The following SMAD4 variants were observed in gnomAD, a reference collection of about 807,000 sequenced individuals.
SMAD4 encodes MAD homolog 4.
Under a neutral mutation model 63.2 loss-of-function variants are expected in SMAD4, and 7 were observed. The ratio of observed to expected loss-of-function variants is 0.11; its 90% CI spans 0.06 to 0.21. SMAD4 has a LOEUF of 0.21. Ranked by LOEUF, SMAD4 falls within the 10% of genes least tolerant of loss-of-function variation. The pLI is 1.00. For synonymous variants in SMAD4, 215 were observed against 235.4 expected (o/e 0.91, Z 0.79); for missense variants, 312 against 693.8 (o/e 0.45, Z 6.18).
rs2144479158 is a variant in SMAD4, at chr18:51,078,388, T to C, written c.1580T>C (p.Ile527Thr). 2 of 1,614,186 alleles carry C rather than the reference T, an allele frequency of 1.2e-6. No individual in the cohort carries two copies. The highest frequency in any genetic ancestry group is 1.7e-6 in the Non-Finnish European group (2 of 1,180,024). Residue 527 changes from isoleucine (I) to threonine (T), a missense_variant, in exon 12 of 12, where the codon ATT (isoleucine) becomes ACT (threonine). Physicochemically the swap from Ile to Thr is moderately conservative, Grantham distance 89 (BLOSUM62 -1). Coordinates refer to ENST00000342988, the MANE Select transcript of SMAD4 (RefSeq NM_005359.6). ...SIKETPCWIE[I>T]HLHRALQLLD... ...AAAGAAACACCTTGCTGGATTGAAA[T>C]TCACTTACACCGGGCCCTCCAGCTC...
In SMAD4 at chr18:51,046,880, A is replaced by G. The variant is rs1371775388; in HGVS notation, c.-127-40A>G. 8.1e-6 allele frequency: 5 copies of G among 620,208 alleles called. No individual in the cohort carries two copies. In the East Asian group the frequency reaches 8.2e-5, roughly 10 times the overall value. The allele number at this position is 620,208 out of a possible 1,614,324, so 38.4% of individuals were successfully genotyped here. A position where few individuals can be genotyped will look rare whatever the true frequency, so the allele number is the denominator to read the frequency against. On this transcript the variant is annotated intron_variant, in intron 1 of 11. Transcript: ENST00000342988. ...CAAGTAGTCAGATCTACTTCGTAAA[A>G]TGTGTTCTGATGTGTGTCTTTTTTT...
rs67325153 is a variant in SMAD4 at position 51,046,614 on chromosome 18, G to A, written c.-127-306G>A. On this transcript the variant is annotated intron_variant, in intron 1 of 11. Coordinates refer to ENST00000342988, the MANE Select transcript of SMAD4 (RefSeq NM_005359.6). ...AAAGTGCTGGTAAGATTTTCCTTTA[G>A]GGTGACTAGTAAAGTCAGTAAGACT... Among the ~76,000 whole-genome samples the A allele has an allele frequency of 0.32, 48,604 of 151,706 alleles. 8,509 individuals are homozygous for A. The highest frequency in any genetic ancestry group is 0.41 in the East Asian group (2,108 of 5,150).
At chr18:51,040,045 T>C (rs1568200951) in intron 1 of SMAD4, among the ~76,000 whole-genome samples, 1 of 152,212 alleles carries the variant, frequency 6.6e-6, no homozygotes, top group African/African-American at 2.4e-5. Context: ...CTTTTTTTCC[T>C]GTTGGTAAAC....
chr18:51,056,792 G>A (rs1388447651), intron 5 of SMAD4, among the ~76,000 whole-genome samples: 7 of 152,104 alleles, frequency 4.6e-5, no homozygotes, highest in Non-Finnish European at 8.8e-5. Context: ...GAAGTATTCA[G>A]TATGGATAAC....
chr18:51,067,133 T>A lies in SMAD4; in HGVS notation c.1254T>A (p.Ala418=). The change falls in exon 10 of 12, where the codon GCT becomes GCA. Residue 418 remains alanine, a synonymous_variant. Coordinates refer to ENST00000342988, the MANE Select transcript of SMAD4 (RefSeq NM_005359.6). ...FVQSYYLDRE[A]GRAPGDAVHK... ...AGAGTTACTACTTAGACAGAGAAGC[T>A]GGGCGTGCACCTGGAGATGCTGTTC... 6.2e-7 allele frequency: 1 copy of A among 1,610,844 alleles called. No individual in the cohort carries two copies. The highest frequency in any genetic ancestry group is 1.1e-5 in the South Asian group (1 of 91,002).
intron 5 of SMAD4, among the ~76,000 whole-genome samples, chr18:51,057,231 C>G (rs1909869378): frequency 6.6e-6 from 1 of 152,042 alleles, no homozygotes; most frequent in East Asian, 1.9e-4. Context: ...TGAGGTGATG[C>G]CAGTTATAAA....
chr18:51,056,561 A>G (rs1909849034), intron 5 of SMAD4, among the ~76,000 whole-genome samples: 1 of 145,684 alleles, frequency 6.9e-6, no homozygotes, highest in African/African-American at 2.5e-5. Context: ...CGGAGCTTGC[A>G]GTGAGCAGAG....
intron 2 of SMAD4, among the ~76,000 whole-genome samples, chr18:51,048,358 A>G (rs1303895724): frequency 6.6e-6 from 1 of 152,062 alleles, no homozygotes; most frequent in Non-Finnish European, 1.5e-5. Context: ...GGGTCTTGCC[A>G]TGTTGTCCAG....
At chr18:51,034,532 T>A (rs1224783878) in intron 1 of SMAD4, among the ~76,000 whole-genome samples, 1 of 152,204 alleles carries the variant, frequency 6.6e-6, no homozygotes, top group African/African-American at 2.4e-5. Context: ...ATTATAGGCA[T>A]GAGCCACCGC....
At position 51,079,610 on chromosome 18, in the gene SMAD4, A is replaced by G. The variant is rs1910559018; in HGVS notation, c.*1143A>G. 4.3e-6 allele frequency: 1 copy of G among 233,272 alleles called. No homozygotes were observed. The highest frequency in any genetic ancestry group is 8.5e-6 in the Non-Finnish European group (1 of 117,910). 14.5% of individuals were successfully genotyped at this position (233,272 alleles called of 1,614,324 possible). On this transcript the variant is annotated 3_prime_UTR_variant, in exon 12 of 12. Coordinates refer to ENST00000342988, the MANE Select transcript of SMAD4 (RefSeq NM_005359.6). ...GGGGCAAGACTGCAAACTTTTTTAT[A>G]TCTTTTGGTTATTCTAAGCCCTTTG...
chr18:51,072,033 G>A (rs1318188935), intron 10 of SMAD4, among the ~76,000 whole-genome samples: 1 of 152,040 alleles, frequency 6.6e-6, no homozygotes, highest in Non-Finnish European at 1.5e-5. Flanking sequence ...TCCACTTTTT[G>A]GCTATGTTAT....
rs553586005 is a variant in SMAD4 at position 51,063,579 on chromosome 18, A to G, written c.956-1844A>G. Among the ~76,000 whole-genome samples the G allele has an allele frequency of 1.3e-3, 199 of 151,748 alleles. 1 individual carries two copies. Among genetic ancestry groups the G allele is most frequent in the Non-Finnish European group, 2.2e-3 (151 of 67,870 alleles). On this transcript the variant is annotated intron_variant, in intron 8 of 11. Transcript: ENST00000342988. ...AGGTGGACACAACCACGCCCAGCCA[A>G]TTTTTCTATTTTTCGTAGAGACGCG... is the stretch of plus-strand genomic sequence containing the variant.
rs1910362670 is a variant in SMAD4 at position 51,073,185 on chromosome 18, CAGGCTGAAACAA to C, written c.1309-3452_1309-3441del. Among the ~76,000 whole-genome samples, 10 of 151,672 alleles carry C rather than the reference CAGGCTGAAACAA, an allele frequency of 6.6e-5. No homozygotes were observed. The South Asian group carries it at 2.1e-3, about 32-fold the overall frequency. On this transcript the variant is annotated intron_variant, in intron 10 of 11. Transcript: ENST00000342988. ...TGTGCTGCTGATGTTAGCATAGATTCAGGCTGAAACAATCCTAATTGCGATTATTTACAACAC... is the reference window on the plus strand; with the variant it reads ...TGTGCTGCTGATGTTAGCATAGATTCTCCTAATTGCGATTATTTACAACAC...
chr18:51,064,776 G>A (rs1341789203), intron 8 of SMAD4, among the ~76,000 whole-genome samples: 2 of 152,116 alleles, frequency 1.3e-5, no homozygotes, highest in Non-Finnish European at 2.9e-5. Flanking sequence ...TTTTGCTATG[G>A]CATAGGTGGG....
intron 10 of SMAD4, among the ~76,000 whole-genome samples, chr18:51,075,224 T>C (rs1910442574): frequency 1.3e-5 from 2 of 152,176 alleles, no homozygotes; most frequent in African/African-American, 4.8e-5. Context: ...TGTATGTTAT[T>C]GTATGTTTTT....
At chr18:51,055,355 C>T (rs182419730) in intron 5 of SMAD4, among the ~76,000 whole-genome samples, 172 of 152,086 alleles carry the variant, frequency 1.1e-3, no homozygotes, top group Admixed American at 2.7e-3. Flanking sequence ...TCTTTTAATG[C>T]GGTGTTCTTA....
chr18:51,032,879 T>C (rs1464460942), intron 1 of SMAD4, among the ~76,000 whole-genome samples: 2 of 152,194 alleles, frequency 1.3e-5, no homozygotes, highest in African/African-American at 4.8e-5. Context: ...ATGTTTAAAC[T>C]TAGTTCATTT....
At chr18:51,060,222 G>T (rs927205860) in intron 8 of SMAD4, among the ~76,000 whole-genome samples, 1 of 152,092 alleles carries the variant, frequency 6.6e-6, no homozygotes, top group African/African-American at 2.4e-5. Context: ...TTTCAAAATA[G>T]AACAGCTGTA....
rs1555685037 is a variant in SMAD4, at chr18:51,047,238, T to C, written c.192T>C (p.Asn64=). 1.9e-6 allele frequency: 3 copies of C among 1,613,816 alleles called. No individual in the cohort carries two copies. The highest frequency in any genetic ancestry group is 1.7e-6 in the Non-Finnish European group (2 of 1,179,714). ...LDSLITAITT[N]GAHPSKCVTI... Reference sequence around the variant, plus strand: ...CTTTAATAACAGCTATAACTACAAATGGAGCTCATCCTAGTAAATGTGTTA... The same window carrying C: ...CTTTAATAACAGCTATAACTACAAACGGAGCTCATCCTAGTAAATGTGTTA... Residue 64 remains asparagine, a synonymous_variant, in exon 2 of 12, where the codon AAT becomes AAC. Transcript: ENST00000342988.
Sources: allele counts gnomAD v4.1 joint callset (sites outside exome capture counted in the v4.1 genomes callset), GRCh38; gene constraint gnomAD v4.1.1; transcripts MANE v1.5; gene names NCBI Gene and HGNC (gene_info 2026-07-23, HGNC 2026-07-21).